CPNE1: variants seen among roughly 807,000 people sequenced by gnomAD.
The protein encoded by CPNE1 is copine-1.
CPNE1 carries 58 observed loss-of-function variants against 63.2 expected under a neutral mutation model. The observed-to-expected ratio is 0.92, with a 90% CI of 0.74 to 1.14. The LOEUF (loss-of-function observed/expected upper bound fraction) is 1.14. CPNE1 is among the 50% of genes most tolerant of loss of function. CPNE1 has a pLI of 0.00. For missense variants in CPNE1, 672 were observed against 661.7 expected (o/e 1.02, Z -0.17); for synonymous variants, 237 against 249.0 (o/e 0.95, Z 0.45).
intron 1 of CPNE1, among the ~76,000 whole-genome samples, chr20:35,644,406 G>A (rs1045362087): frequency 6.6e-6 from 1 of 152,144 alleles, no homozygotes; most frequent in Non-Finnish European, 1.5e-5. Context: ...AGGGAAACCA[G>A]GAGAGCAGTA....
rs1293326603 is a variant in CPNE1, at chr20:35,631,099, G to A, written c.861+15C>T. On this transcript the variant is annotated intron_variant, in intron 10 of 15. Coordinates refer to ENST00000397443, the MANE Select transcript of CPNE1 (RefSeq NM_152925.3). ...GCCCCAGACCTGTTCTCTTGCCCTT[G>A]GTAAAGTAACTTACAGTGAAGTTGA... 1 of 1,614,056 alleles carries A rather than the reference G, an allele frequency of 6.2e-7. No homozygotes were observed. Among genetic ancestry groups the A allele is most frequent in the Non-Finnish European group, 8.5e-7 (1 of 1,180,008 alleles).
At chr20:35,653,846 G>C (rs2146349217) in intron 1 of CPNE1, 1 of 1,613,852 alleles carries the variant, frequency 6.2e-7, no homozygotes, top group Non-Finnish European at 8.5e-7. Context: ...CCCATGTACT[G>C]TTTATGACGA....
chr20:35,628,908 A>G (rs2031939341), intron 13 of CPNE1, among the ~76,000 whole-genome samples: 1 of 152,250 alleles, frequency 6.6e-6, no homozygotes, highest in Non-Finnish European at 1.5e-5. Flanking sequence ...AGCCAGGTGG[A>G]TAATGATGGG....
At chr20:35,639,027 T>G (rs2032649408) in intron 1 of CPNE1, among the ~76,000 whole-genome samples, 1 of 150,822 alleles carries the variant, frequency 6.6e-6, no homozygotes, top group African/African-American at 2.4e-5. Context: ...GTCACAGGAG[T>G]GTGTGCATTT....
In CPNE1 at chr20:35,631,729, C is replaced by A; in HGVS notation, c.586G>T (p.Val196Phe). ...GGGTTCCCACCACAGAAATGCTGAA[C>A]GGGGACTGAGAAACGCTTCCATGTA... is the stretch of plus-strand genomic sequence containing the variant. ...NPTWKRFSVP[V>F]QHFCGGNPST... The change falls in exon 7 of 16, where the codon GTT becomes TTT. Residue 196 changes from valine to phenylalanine, a missense_variant. Coordinates refer to ENST00000397443, the MANE Select transcript of CPNE1 (RefSeq NM_152925.3). The A allele has an allele frequency of 6.2e-7, 1 of 1,614,062 alleles. No individual in the cohort carries two copies.
rs1568904791 is a variant in CPNE1 at position 35,626,264 on chromosome 20, G to A, written c.1591C>T (p.Pro531Ser). The A allele has an allele frequency of 1.9e-6, 3 of 1,614,172 alleles. No homozygotes were observed. The highest frequency in any genetic ancestry group is 2.5e-6 in the Non-Finnish European group (3 of 1,180,016). The change falls in exon 16 of 16, where the codon CCT becomes TCT. Residue 531 changes from proline (P) to serine (S), a missense_variant. Physicochemically the swap from Pro to Ser is moderately conservative, Grantham distance 74. Coordinates refer to ENST00000397443, the MANE Select transcript of CPNE1 (RefSeq NM_152925.3). Reference sequence around the variant, plus strand: ...ACCTAGGCCTGGGGGGCCTGTGCAGGATCCTTGGCTGAGGGTGGAAGTGGC... The same window carrying A: ...ACCTAGGCCTGGGGGGCCTGTGCAGAATCCTTGGCTGAGGGTGGAAGTGGC... ...LKPLPPSAKD[P>S]AQAPQA
chr20:35,654,530 G>A (rs1251378484), intron 1 of CPNE1: 2 of 1,614,192 alleles, frequency 1.2e-6, no homozygotes, highest in Non-Finnish European at 1.7e-6. Flanking sequence ...AAATTCATAG[G>A]TGCTCCAGAG....
intron 1 of CPNE1, among the ~76,000 whole-genome samples, chr20:35,640,437 C>G (rs961152605): frequency 6.6e-6 from 1 of 152,092 alleles, no homozygotes; most frequent in Non-Finnish European, 1.5e-5. Flanking sequence ...TATTAAATAT[C>G]ACATTTGAGT....
chr20:35,653,924 T>C, intron 1 of CPNE1: 1 of 1,614,178 alleles, frequency 6.2e-7, no homozygotes, highest in Non-Finnish European at 8.5e-7. Flanking sequence ...GCTTTCCCAT[T>C]GGGTCCATAA....
At chr20:35,642,768 G>A (rs192848122) in intron 1 of CPNE1, among the ~76,000 whole-genome samples, 143 of 152,218 alleles carry the variant, frequency 9.4e-4, no homozygotes, top group Non-Finnish European at 1.7e-3. Context: ...ATGACTAAGG[G>A]CTACTGAATG....
chr20:35,636,418 CAACTAAATATG>C (rs1378685581), intron 1 of CPNE1, among the ~76,000 whole-genome samples: 3 of 152,296 alleles, frequency 2.0e-5, no homozygotes, highest in African/African-American at 7.2e-5. Flanking sequence ...AAAGGTCTAT[CAACTAAATATG>C]ATACATCTGA....
At chr20:35,631,429 T>C in intron 8 of CPNE1, 63 bp downstream of exon 8, 1 of 1,601,674 alleles carries the variant, frequency 6.2e-7, no homozygotes, top group Non-Finnish European at 8.6e-7. Flanking sequence ...TTCTCCTTCC[T>C]CTCTCCCACA....
At chr20:35,631,599 G>A (rs1469667803) in intron 7 of CPNE1, 21 bp from the exon 8 acceptor site, 1 of 1,611,020 alleles carries the variant, frequency 6.2e-7, no homozygotes, top group African/African-American at 1.3e-5. Flanking sequence ...GGTGTGTGTG[G>A]ACATAAACAA....
intron 1 of CPNE1, chr20:35,653,055 T>C (rs1013250039): frequency 2.5e-6 from 4 of 1,613,836 alleles, no homozygotes; most frequent in Non-Finnish European, 2.5e-6. Flanking sequence ...TGTTTCCAAC[T>C]GAAGGCATAC....
At position 35,631,329 on chromosome 20, in the gene CPNE1, T is replaced by C. The variant is rs774749739; in HGVS notation, c.740A>G (p.Glu247Gly). Reference protein sequence around the residue: ...VPAEFECIHPEKQQKKKSYKN... With the variant: ...VPAEFECIHPGKQQKKKSYKN... The stretch of plus-strand genomic sequence containing the variant: ...GTAGCTTTTCTTTTTCTGCTGCTTC[T>C]CAGGGTGGATGCATTCAAACTCAGC... The change falls in exon 9 of 16, where the codon GAG becomes GGG. Residue 247 changes from glutamate to glycine, a missense_variant. By Grantham distance (98) the Glu-to-Gly change is moderately conservative. Transcript: ENST00000397443. 1 of 1,614,056 alleles carries C rather than the reference T, an allele frequency of 6.2e-7. No homozygotes were observed. Among genetic ancestry groups the C allele is most frequent in the African/African-American group, 1.3e-5 (1 of 74,896 alleles).
At chr20:35,633,209 A>G (rs943281368) in intron 1 of CPNE1, among the ~76,000 whole-genome samples, 2 of 152,178 alleles carry the variant, frequency 1.3e-5, no homozygotes, top group Non-Finnish European at 2.9e-5. Context: ...TCCTCACCCT[A>G]AAATTTGTCT....
intron 13 of CPNE1, among the ~76,000 whole-genome samples, chr20:35,628,177 C>T (rs1039743772): frequency 3.0e-4 from 45 of 151,292 alleles, no homozygotes; most frequent in African/African-American, 9.5e-4. Context: ...CCCAGCTACT[C>T]GGGAGGCTGA....
chr20:35,626,515 A>G, intron 15 of CPNE1, 52 bp downstream of exon 15: 2 of 1,597,768 alleles, frequency 1.3e-6, no homozygotes, highest in East Asian at 2.2e-5. Flanking sequence ...CCCTACTCAC[A>G]TCAGGGAAAG....
At chr20:35,640,588 TCA>T (rs2032746308) in intron 1 of CPNE1, among the ~76,000 whole-genome samples, 1 of 152,178 alleles carries the variant, frequency 6.6e-6, no homozygotes, top group Admixed American at 6.5e-5. Context: ...TATGTTGAAG[TCA>T]CAGACATTCC....
Sources: allele counts gnomAD v4.1 joint callset (sites outside exome capture counted in the v4.1 genomes callset), GRCh38; gene constraint gnomAD v4.1.1; transcripts MANE v1.5; gene names NCBI Gene and HGNC (gene_info 2026-07-23, HGNC 2026-07-21).